Variants in ST6GAL1 observed in about 807,000 individuals in gnomAD.
ST6GAL1 encodes the protein beta-galactoside alpha-2,6-sialyltransferase 1.
A neutral mutation model predicts 38.0 loss-of-function variants in ST6GAL1; 20 were observed. The ratio of observed to expected loss-of-function variants is 0.53; its 90% CI spans 0.37 to 0.77. The LOEUF is 0.77. Among genes scored for constraint, ST6GAL1 ranks in the 30% least tolerant of loss-of-function variants. The probability of loss-of-function intolerance (pLI) is 0.00; values close to 1 mark genes in which losing one functional copy is unlikely to be tolerated. For synonymous variants in ST6GAL1, 196 were observed against 188.2 expected, an observed-to-expected ratio of 1.04 and a Z score of -0.34; for missense variants, 432 against 496.4, an observed-to-expected ratio of 0.87 and a Z score of 1.23.
chr3:187,036,530 A>C (rs772230931), intron 2 of ST6GAL1, among the ~76,000 whole-genome samples: 1 of 152,252 alleles, frequency 6.6e-6, no homozygotes, highest in Non-Finnish European at 1.5e-5. Context: ...TGGATAAAGA[A>C]AATATGGTAC....
At chr3:186,991,061 A>T (rs1315443899) in intron 2 of ST6GAL1, among the ~76,000 whole-genome samples, 1 of 151,880 alleles carries the variant, frequency 6.6e-6, no homozygotes, top group Non-Finnish European at 1.5e-5. Context: ...TCTTTTTCTC[A>T]TGTGGTCAGG....
Position 187,066,347 on chromosome 3 carries a change from A to C in ST6GAL1, c.706-6502A>C, listed in dbSNP as rs76377371. On this transcript the variant is annotated intron_variant, in intron 5 of 7. Transcript: ENST00000169298. ...TCCTCTGTGCGTGGTGGAAAGAGAG[A>C]GCTCTGCGGGTCTCTTCTTGTTGTA... 9.5e-3 allele frequency among the ~76,000 whole-genome samples: 1,443 copies of C among 152,086 alleles called. 18 individuals are homozygous for C. Among genetic ancestry groups the C allele is most frequent in the African/African-American group, 0.034 (1,394 of 41,460 alleles).
chr3:186,961,420 A>G (rs1268455488), intron 1 of ST6GAL1, among the ~76,000 whole-genome samples: 2 of 151,776 alleles, frequency 1.3e-5, no homozygotes, highest in Non-Finnish European at 2.9e-5. Flanking sequence ...CAGCTTCCTT[A>G]TGTATGGACG....
chr3:187,065,791 G>A (rs567527516), intron 5 of ST6GAL1, among the ~76,000 whole-genome samples: 1 of 152,270 alleles, frequency 6.6e-6, no homozygotes, highest in South Asian at 2.1e-4. Flanking sequence ...AATAATAGTT[G>A]ATGCCATTTG....
At chr3:186,991,805 A>T (rs1716178449) in intron 2 of ST6GAL1, among the ~76,000 whole-genome samples, 1 of 152,158 alleles carries the variant, frequency 6.6e-6, no homozygotes, top group South Asian at 2.1e-4. Context: ...GCTTGTGGGC[A>T]GGAATAAGTT....
At chr3:187,005,932 A>G (rs1196179409) in intron 2 of ST6GAL1, among the ~76,000 whole-genome samples, 2 of 152,138 alleles carry the variant, frequency 1.3e-5, no homozygotes, top group Non-Finnish European at 1.5e-5. Flanking sequence ...AAGAGGAGAC[A>G]TAGGCATCTT....
rs568663231 is a variant in ST6GAL1, at chr3:187,070,510, C to T, written c.706-2339C>T. Among the ~76,000 whole-genome samples, 8 of 150,746 alleles carry T rather than the reference C, an allele frequency of 5.3e-5. No homozygotes were observed. The East Asian group carries it at 1.2e-3, about 22-fold the overall frequency. On this transcript the variant is annotated intron_variant, in intron 5 of 7. Transcript: ENST00000169298. The stretch of plus-strand genomic sequence containing the variant: ...TGCAATCTTGGCTCACGGCAACCTC[C>T]GCCTCCTGGGTTCAAGTGATTCTCC...
intron 2 of ST6GAL1, among the ~76,000 whole-genome samples, chr3:186,993,957 G>A: frequency 6.6e-6 from 1 of 152,108 alleles, no homozygotes; most frequent in Non-Finnish European, 1.5e-5. Context: ...GCTGCATGTA[G>A]GTAGACATGG....
chr3:187,035,679 T>TG (rs570882866), intron 2 of ST6GAL1, among the ~76,000 whole-genome samples: 68 of 152,184 alleles, frequency 4.5e-4, no homozygotes, highest in Non-Finnish European at 4.3e-4. Context: ...CAATAAATGA[T>TG]GCTGGAATAA....
rs559237687 is a variant in ST6GAL1 at position 187,042,133 on chromosome 3, A to AT, written c.-50-517dup. 1.8e-3 allele frequency among the ~76,000 whole-genome samples: 280 copies of AT among 152,210 alleles called. 1 individual carries two copies. Among genetic ancestry groups the AT allele is most frequent in the African/African-American group, 6.5e-3 (271 of 41,546 alleles). Reference sequence around the variant, plus strand: ...TATAACGAGAAGTCTTTTTCTGGCCATTTTGAAGGGGTGTTGGGCCACTTA... The same window carrying AT: ...TATAACGAGAAGTCTTTTTCTGGCCATTTTTGAAGGGGTGTTGGGCCACTTA... On this transcript the variant is annotated intron_variant, in intron 3 of 7. Coordinates refer to ENST00000169298, the MANE Select transcript of ST6GAL1 (RefSeq NM_173216.2).
At chr3:187,032,841 C>A (rs1388766549) in intron 2 of ST6GAL1, among the ~76,000 whole-genome samples, 3 of 152,102 alleles carry the variant, frequency 2.0e-5, no homozygotes, top group Admixed American at 1.3e-4. Flanking sequence ...GTAGTCATAC[C>A]TAGGGTTTGC....
At chr3:186,940,860 G>C (rs1045226159) in intron 1 of ST6GAL1, among the ~76,000 whole-genome samples, 3 of 150,612 alleles carry the variant, frequency 2.0e-5, no homozygotes, top group Admixed American at 6.6e-5. Flanking sequence ...TCTGTTGATG[G>C]ACATTTATGT....
At chr3:186,986,218 G>A (rs895673785) in intron 2 of ST6GAL1, 1 of 152,096 alleles carries the variant, frequency 6.6e-6, no homozygotes, top group Non-Finnish European at 1.5e-5. Flanking sequence ...TTTCGGGTGT[G>A]AGTAGGGATG....
chr3:187,015,529 T>A (rs1717086781), intron 2 of ST6GAL1, among the ~76,000 whole-genome samples: 1 of 152,124 alleles, frequency 6.6e-6, no homozygotes, highest in South Asian at 2.1e-4. Context: ...ATGATCATCT[T>A]AGTACAGGCA....
chr3:187,067,577 A>G (rs1428467383), intron 5 of ST6GAL1, among the ~76,000 whole-genome samples: 1 of 151,920 alleles, frequency 6.6e-6, no homozygotes, highest in African/African-American at 2.4e-5. Context: ...TAAAACTATC[A>G]TTCATCTTCA....
chr3:186,970,215 CTTTT>C (rs34302492), intron 2 of ST6GAL1, among the ~76,000 whole-genome samples: 1 of 132,810 alleles, frequency 7.5e-6, no homozygotes. Context: ...TTTTCTTTTT[CTTTT>C]TTTTTTTTTT....
At chr3:186,946,146 A>G (rs1714359581) in intron 1 of ST6GAL1, among the ~76,000 whole-genome samples, 1 of 152,020 alleles carries the variant, frequency 6.6e-6, no homozygotes. Flanking sequence ...TCTCTACGAA[A>G]AATACAAAAA....
intron 2 of ST6GAL1, among the ~76,000 whole-genome samples, chr3:186,997,631 C>T (rs1445230445): frequency 6.6e-6 from 1 of 151,838 alleles, no homozygotes; most frequent in Non-Finnish European, 1.5e-5. Flanking sequence ...GTAGCACACA[C>T]CAGTAGTCAC....
intron 5 of ST6GAL1, among the ~76,000 whole-genome samples, chr3:187,053,951 TGTTTGTGTCCTC>T (rs1718601319): frequency 6.6e-6 from 1 of 152,108 alleles, no homozygotes; most frequent in Non-Finnish European, 1.5e-5. Flanking sequence ...TTCTTCCATT[TGTTTGTGTCCTC>T]TTTTATTTTG....
Sources: allele counts gnomAD v4.1 joint callset (sites outside exome capture counted in the v4.1 genomes callset), GRCh38; gene constraint gnomAD v4.1.1; transcripts MANE v1.5; gene names NCBI Gene and HGNC (gene_info 2026-07-23, HGNC 2026-07-21).